Variants in CLASP1 observed in about 807,000 individuals in gnomAD.
CLASP1 encodes the protein cytoplasmic linker associated protein 1, also known as CLIP-associating protein 1.
A neutral mutation model predicts 192.3 loss-of-function variants in CLASP1; 38 were observed. The observed-to-expected ratio is 0.20, with a 90% CI of 0.15 to 0.26. The LOEUF is 0.26. Ranked by LOEUF, CLASP1 falls within the 10% of genes least tolerant of loss-of-function variation. The pLI is 1.00. For missense variants in CLASP1, 1,433 were observed against 1,932.5 expected (o/e 0.74, Z 4.85); for synonymous variants, 691 against 712.8 (o/e 0.97, Z 0.49).
At chr2:121,602,103 A>C (rs1189808929) in intron 2 of CLASP1, among the ~76,000 whole-genome samples, 1 of 151,334 alleles carries the variant, frequency 6.6e-6, no homozygotes, top group East Asian at 1.9e-4. Context: ...TGAACCCAGG[A>C]GGCGGAGGTT....
chr2:121,526,449 C>T (rs2094576172), intron 5 of CLASP1, among the ~76,000 whole-genome samples: 2 of 152,314 alleles, frequency 1.3e-5, no homozygotes, highest in Non-Finnish European at 2.9e-5. Context: ...TCACCATCAC[C>T]ATCCCTGTCA....
intron 8 of CLASP1, among the ~76,000 whole-genome samples, chr2:121,496,743 T>C (rs1368932470): frequency 6.6e-6 from 1 of 152,124 alleles, no homozygotes; most frequent in Non-Finnish European, 1.5e-5. Flanking sequence ...AATCGCCAAA[T>C]GTAAACCTGC....
chr2:121,626,883 CATAATGTTCTCAAA>C (rs887209151), intron 1 of CLASP1, among the ~76,000 whole-genome samples: 5 of 152,162 alleles, frequency 3.3e-5, no homozygotes, highest in African/African-American at 1.2e-4. Context: ...ATATATCCAC[CATAATGTTCTCAAA>C]ATAAGAGCTG....
At chr2:121,435,028 A>C (rs778422046) in intron 19 of CLASP1, among the ~76,000 whole-genome samples, 1 of 151,852 alleles carries the variant, frequency 6.6e-6, no homozygotes, top group East Asian at 1.9e-4. Flanking sequence ...CTCTCTTTAA[A>C]TATCACATTG....
intron 28 of CLASP1, among the ~76,000 whole-genome samples, chr2:121,399,617 A>T (rs540217001): frequency 1.9e-4 from 29 of 152,352 alleles, no homozygotes; most frequent in Admixed American, 1.4e-3. Context: ...CAGCTTAAAC[A>T]GCTGTGCATC....
chr2:121,529,245 C>T (rs2094678983), intron 3 of CLASP1, among the ~76,000 whole-genome samples: 1 of 152,128 alleles, frequency 6.6e-6, no homozygotes, highest in Non-Finnish European at 1.5e-5. Flanking sequence ...GAGACAGAGC[C>T]CAGCTCTCCA....
intron 19 of CLASP1, among the ~76,000 whole-genome samples, chr2:121,438,182 T>C (rs1357258912): frequency 6.6e-6 from 1 of 152,210 alleles, no homozygotes; most frequent in African/African-American, 2.4e-5. Context: ...TACAGAAGTT[T>C]AATGTTTGTT....
At chr2:121,641,201 G>C (rs1025007307) in intron 1 of CLASP1, among the ~76,000 whole-genome samples, 2 of 151,986 alleles carry the variant, frequency 1.3e-5, no homozygotes, top group African/African-American at 4.8e-5. Flanking sequence ...AGCATGTCCG[G>C]GCTACTGTTC....
chr2:121,500,344 AAAAGAAAGAAAGAAAGAAAG>A (rs201022141), intron 8 of CLASP1, among the ~76,000 whole-genome samples: 5,069 of 119,278 alleles, frequency 0.042, 135 homozygotes, highest in East Asian at 0.14. Flanking sequence ...GAAAGAAAGA[AAAAGAAAGAAAGAAAGAAAG>A]AAAGAAAGAA....
At chr2:121,507,280 A>G (rs897322582) in intron 7 of CLASP1, among the ~76,000 whole-genome samples, 2 of 152,220 alleles carry the variant, frequency 1.3e-5, no homozygotes, top group Admixed American at 1.3e-4. Flanking sequence ...AATTCTGGAG[A>G]TGAAAAATAC....
intron 35 of CLASP1, among the ~76,000 whole-genome samples, chr2:121,365,959 C>A (rs1193031557): frequency 6.6e-6 from 1 of 152,132 alleles, no homozygotes; most frequent in Non-Finnish European, 1.5e-5. Flanking sequence ...TTTTAAGAAA[C>A]CTGAACTCTG....
chr2:121,587,495 C>T (rs6746090), intron 2 of CLASP1, among the ~76,000 whole-genome samples: 29,173 of 152,178 alleles, frequency 0.19, 5,040 homozygotes, highest in African/African-American at 0.46. Flanking sequence ...AACAGAAGAG[C>T]ACAAACTGGC....
At chr2:121,605,393 A>T (rs900328341) in intron 2 of CLASP1, among the ~76,000 whole-genome samples, 1 of 152,230 alleles carries the variant, frequency 6.6e-6, no homozygotes, top group African/African-American at 2.4e-5. Flanking sequence ...GCTGCAAAAC[A>T]TAATATACAC....
chr2:121,399,137 A>C (rs2075771551), intron 28 of CLASP1, among the ~76,000 whole-genome samples: 1 of 152,250 alleles, frequency 6.6e-6, no homozygotes, highest in Non-Finnish European at 1.5e-5. Context: ...GATTTTTCCC[A>C]ATCTACGTAA....
At chr2:121,437,265 TTTTTGA>T (rs1367426261) in intron 19 of CLASP1, among the ~76,000 whole-genome samples, 1 of 152,210 alleles carries the variant, frequency 6.6e-6, no homozygotes, top group Non-Finnish European at 1.5e-5. Context: ...GCCTGACCAC[TTTTTGA>T]TTTTAATAAT....
chr2:121,488,980 C>G (rs1481488141), intron 8 of CLASP1, among the ~76,000 whole-genome samples: 1 of 152,126 alleles, frequency 6.6e-6, no homozygotes, highest in East Asian at 1.9e-4. Context: ...GAGGCTATCT[C>G]CATGGCTTTT....
At chr2:121,567,715 G>A (rs375531284) in intron 2 of CLASP1, among the ~76,000 whole-genome samples, 4 of 152,140 alleles carry the variant, frequency 2.6e-5, no homozygotes, top group East Asian at 1.9e-4. Context: ...TGTGTGAAAC[G>A]GGCAAATAAA....
At chr2:121,630,524 G>A (rs1053200303) in intron 1 of CLASP1, among the ~76,000 whole-genome samples, 2 of 151,812 alleles carry the variant, frequency 1.3e-5, no homozygotes, top group Non-Finnish European at 2.9e-5. Context: ...TTCCTGCCTC[G>A]TCCAGTCACA....
chr2:121,408,457 C>A (rs774741637), intron 24 of CLASP1, among the ~76,000 whole-genome samples: 10 of 152,152 alleles, frequency 6.6e-5, no homozygotes, highest in Non-Finnish European at 1.3e-4. Flanking sequence ...AACTGTTATA[C>A]CCACAAATAT....
Sources: gnomAD v4.1 joint callset for allele counts (sites outside exome capture counted in the v4.1 genomes callset) on GRCh38, gnomAD v4.1.1 for gene constraint, MANE v1.5 for transcripts, NCBI Gene and HGNC (gene_info 2026-07-23, HGNC 2026-07-21) for gene names.